The following TRMT44 variants were observed in gnomAD, a reference collection of about 807,000 sequenced individuals.
The protein encoded by TRMT44 is probable tRNA (uracil-O(2)-)-methyltransferase.
In TRMT44, 78 loss-of-function variants were observed where a neutral mutation model predicts 77.3. The observed-to-expected ratio is 1.01, with a 90% CI of 0.84 to 1.22. The LOEUF (loss-of-function observed/expected upper bound fraction) is 1.22. Ranked by LOEUF, TRMT44 falls within the 50% of genes most tolerant of loss-of-function variation. The pLI is 0.00. For synonymous variants in TRMT44, 391 were observed against 383.3 expected (o/e 1.02, Z -0.23); for missense variants, 1,090 against 964.4 (o/e 1.13, Z -1.73).
chr4:8,452,056 C>A lies in TRMT44; in HGVS notation c.1023+28C>A. On this transcript the variant is annotated intron_variant, in intron 4 of 10. Coordinates refer to ENST00000389737, the MANE Select transcript of TRMT44 (RefSeq NM_152544.3). The surrounding 1 kb of genome is among the most constrained non-coding windows in gnomAD (Gnocchi z 5.7). The stretch of plus-strand genomic sequence containing the variant: ...AAGGGTGTAAGCGACCTCAGCTTCT[C>A]TGGAGTGGGTGGAGTTTGCTACAGG... The A allele has an allele frequency of 6.5e-7, 1 of 1,531,446 alleles. No individual in the cohort carries two copies. The allele number at this position is 1,531,446 out of a possible 1,614,324, so 94.9% of individuals were successfully genotyped here.
At chr4:8,497,529 C>CA, downstream of TRMT44, among the ~76,000 whole-genome samples, 1 of 152,308 alleles carries the variant, frequency 6.6e-6, no homozygotes, top group Middle Eastern at 3.4e-3. Flanking sequence ...CCTGTAGTCC[C>CA]AGCTACTCAG....
chr4:8,499,870 G>T, the TRMT44 span, among the ~76,000 whole-genome samples: 2 of 145,454 alleles, frequency 1.4e-5, no homozygotes, highest in African/African-American at 5.4e-5. Context: ...CCTGAGTCAG[G>T]AGTTTACTAT....
intron 6 of TRMT44, among the ~76,000 whole-genome samples, chr4:8,456,552 A>C (rs1235770238): frequency 6.6e-6 from 1 of 152,128 alleles, no homozygotes; most frequent in Non-Finnish European, 1.5e-5. Context: ...AAAAAAAAAA[A>C]AAAAAGCAAG....
intron 7 of TRMT44, among the ~76,000 whole-genome samples, chr4:8,464,700 T>C (rs1726406774): frequency 6.6e-6 from 1 of 152,242 alleles, no homozygotes; most frequent in African/African-American, 2.4e-5. Context: ...TATTAAAAGC[T>C]GACGTCTTAA....
At chr4:8,516,904 C>T in the TRMT44 span, among the ~76,000 whole-genome samples, 1 of 152,228 alleles carries the variant, frequency 6.6e-6, no homozygotes, top group Non-Finnish European at 1.5e-5. Context: ...ACGGTTGTAA[C>T]AATGTAACCT....
At chr4:8,458,486 C>T (rs547987501) in intron 6 of TRMT44, among the ~76,000 whole-genome samples, 67 of 134,062 alleles carry the variant, frequency 5.0e-4, no homozygotes, top group African/African-American at 1.7e-3. Context: ...TTTTTTGAGA[C>T]GGAGTCTTGC....
chr4:8,505,790 G>A, the TRMT44 span, among the ~76,000 whole-genome samples: 2 of 152,206 alleles, frequency 1.3e-5, no homozygotes, highest in African/African-American at 4.8e-5. Flanking sequence ...GAGGTGATTG[G>A]ATCACAGGGG....
intron 6 of TRMT44, among the ~76,000 whole-genome samples, chr4:8,462,241 G>A (rs920929147): frequency 6.6e-5 from 10 of 150,920 alleles, no homozygotes; most frequent in African/African-American, 2.0e-4. Flanking sequence ...AGAAACCCCC[G>A]TCTCTACTAA....
At chr4:8,488,290 A>T (rs1727880561) in intron 2 of TRMT44, among the ~76,000 whole-genome samples, 1 of 152,222 alleles carries the variant, frequency 6.6e-6, no homozygotes, top group African/African-American at 2.4e-5. Context: ...AGAGACCACC[A>T]AACAGGCTTT....
chr4:8,506,372 C>G, the TRMT44 span, among the ~76,000 whole-genome samples: 2 of 152,230 alleles, frequency 1.3e-5, no homozygotes, highest in Admixed American at 1.3e-4. Flanking sequence ...ACGGCATGGA[C>G]TGGAATTCCG....
chr4:8,477,182 TGTGGCATTCCGTGGCAGCGCCGC>T (rs983207311), downstream of TRMT44: 2 of 152,272 alleles, frequency 1.3e-5, no homozygotes, highest in Non-Finnish European at 2.9e-5. Flanking sequence ...GCAGCAGCCG[TGTGGCATTCCGTGGCAGCGCCGC>T]ACTCATCACA....
At chr4:8,496,576 G>T (rs1489027579), downstream of TRMT44, among the ~76,000 whole-genome samples, 2 of 152,198 alleles carry the variant, frequency 1.3e-5, no homozygotes, top group Non-Finnish European at 2.9e-5. Flanking sequence ...TTAACCAGAG[G>T]CAGCTCCTCT....
intron 6 of TRMT44, among the ~76,000 whole-genome samples, chr4:8,456,696 G>A (rs903923538): frequency 6.6e-5 from 10 of 152,212 alleles, no homozygotes; most frequent in Admixed American, 1.3e-4. Flanking sequence ...ACTCTAATAT[G>A]ATTTGAGAAA....
intron 8 of TRMT44, among the ~76,000 whole-genome samples, chr4:8,465,984 C>T (rs1282739386): frequency 3.3e-5 from 5 of 152,232 alleles, no homozygotes; most frequent in African/African-American, 4.8e-5. Flanking sequence ...AGGCCTAGTT[C>T]ATTCAGATTC....
chr4:8,490,291 A>T (rs191459672), intron 2 of TRMT44, among the ~76,000 whole-genome samples: 3 of 152,336 alleles, frequency 2.0e-5, no homozygotes, highest in African/African-American at 7.2e-5. Flanking sequence ...TTCAAGAATG[A>T]AGCCACAGAC....
chr4:8,474,405 A>G (rs908738023), intron 10 of TRMT44, among the ~76,000 whole-genome samples: 3 of 151,966 alleles, frequency 2.0e-5, no homozygotes, highest in Non-Finnish European at 2.9e-5. Flanking sequence ...TTGGGAGGCG[A>G]GACAGAGAGG....
chr4:8,469,628 T>C (rs557277076), intron 9 of TRMT44, among the ~76,000 whole-genome samples: 1 of 152,110 alleles, frequency 6.6e-6, no homozygotes, highest in East Asian at 1.9e-4. Context: ...CGGGGATGGG[T>C]GAGCGGTGGG....
rs151318903 is a variant in TRMT44 at position 8,492,364 on chromosome 4, G to A, written n.3892-902G>A. ...CATACTTTTTGCTCTGGCCATGACC[G>A]CCGTGGTGCTGAAACCGCCTCTGCA... is the stretch of plus-strand genomic sequence containing the variant. On this transcript the variant is annotated intron_variant and non_coding_transcript_variant, in intron 2 of 2. Coordinates refer to the TRMT44 transcript ENST00000511366. 4.6e-5 allele frequency among the ~76,000 whole-genome samples: 7 copies of A among 152,244 alleles called. No individual in the cohort carries two copies. In the East Asian group the frequency reaches 1.4e-3, roughly 29 times the overall value.
At chr4:8,469,373 G>A (rs1726827523) in intron 9 of TRMT44, among the ~76,000 whole-genome samples, 1 of 152,194 alleles carries the variant, frequency 6.6e-6, no homozygotes, top group Non-Finnish European at 1.5e-5. Context: ...GGTGGGGCTG[G>A]AGCACAGAGG....
Sources: gnomAD v4.1 joint callset for allele counts (sites outside exome capture counted in the v4.1 genomes callset) on GRCh38, gnomAD v4.1.1 for gene constraint, Gnocchi (gnomAD v3.1) non-coding constraint, MANE v1.5 for transcripts, NCBI Gene and HGNC (gene_info 2026-07-23, HGNC 2026-07-21) for gene names.